DPH6: variants seen among roughly 807,000 people sequenced by gnomAD.
DPH6 encodes diphthine--ammonia ligase.
In DPH6, 33 loss-of-function variants were observed where a neutral mutation model predicts 38.2. That is an observed-to-expected ratio of 0.86 (90% CI 0.65 to 1.15). DPH6 has a LOEUF of 1.15. Among genes scored for constraint, DPH6 ranks in the 50% most tolerant of loss-of-function variants. DPH6 has a pLI of 0.00. For synonymous variants in DPH6, 108 were observed against 103.0 expected, an observed-to-expected ratio of 1.05 and a Z score of -0.30; for missense variants, 325 against 320.0, an observed-to-expected ratio of 1.02 and a Z score of -0.12.
At chr15:35,385,294 T>C (rs2052935185) in intron 6 of DPH6, among the ~76,000 whole-genome samples, 1 of 152,190 alleles carries the variant, frequency 6.6e-6, no homozygotes, top group Non-Finnish European at 1.5e-5. Context: ...TTATAAATCA[T>C]TCTACTATAA....
At chr15:35,250,283 G>A (rs2140408697) in intron 3 of DPH6, among the ~76,000 whole-genome samples, 1 of 152,202 alleles carries the variant, frequency 6.6e-6, no homozygotes, top group Non-Finnish European at 1.5e-5. Context: ...AGAGCTTCCT[G>A]TGTCTTCAAA....
intron 3 of DPH6, among the ~76,000 whole-genome samples, chr15:35,273,239 C>T (rs999872192): frequency 6.6e-6 from 1 of 152,034 alleles, no homozygotes; most frequent in Non-Finnish European, 1.5e-5. Context: ...GATTTTTGTG[C>T]ACCCATCACC....
chr15:35,501,247 T>C (rs1404005087), intron 3 of DPH6, among the ~76,000 whole-genome samples: 1 of 152,070 alleles, frequency 6.6e-6, no homozygotes, highest in Non-Finnish European at 1.5e-5. Context: ...TTCACATTTA[T>C]AGCACTTTCT....
chr15:35,198,631 G>A, the DPH6 span, among the ~76,000 whole-genome samples: 4 of 152,114 alleles, frequency 2.6e-5, no homozygotes, highest in Non-Finnish European at 1.5e-5. Flanking sequence ...AATTTCAACT[G>A]GTGAACAAAT....
rs114896604 is a variant in DPH6, at chr15:35,439,498, C to T, written c.505+11187G>A. Among the ~76,000 whole-genome samples the T allele has an allele frequency of 4.2e-3, 635 of 152,286 alleles. 10 individuals carry two copies. Among genetic ancestry groups the T allele is most frequent in the African/African-American group, 0.015 (605 of 41,574 alleles). ...ATTTTCTCTTGCAACAGGATGCAAT[C>T]GGAGAAACTGGTTGTTTTATCAAGG... is the stretch of plus-strand genomic sequence containing the variant. On this transcript the variant is annotated intron_variant, in intron 5 of 8. Coordinates refer to ENST00000256538, the MANE Select transcript of DPH6 (RefSeq NM_080650.4).
At chr15:35,533,011 G>A (rs2141540998) in intron 3 of DPH6, among the ~76,000 whole-genome samples, 1 of 152,084 alleles carries the variant, frequency 6.6e-6, no homozygotes, top group Admixed American at 6.5e-5. Flanking sequence ...GGAGGCTGAA[G>A]CAGGAGAATT....
chr15:35,297,468 C>G (rs758925334), intron 3 of DPH6, among the ~76,000 whole-genome samples: 1 of 152,026 alleles, frequency 6.6e-6, no homozygotes, highest in Non-Finnish European at 1.5e-5. Flanking sequence ...GTATTCAGAG[C>G]AGCATTTGTC....
intron 3 of DPH6, among the ~76,000 whole-genome samples, chr15:35,311,932 A>G (rs931138553): frequency 2.0e-5 from 3 of 151,180 alleles, no homozygotes; most frequent in Non-Finnish European, 4.4e-5. Flanking sequence ...TTCCAACGCT[A>G]AATTTTATAA....
At chr15:35,481,523 AAC>A (rs1439874309) in intron 3 of DPH6, among the ~76,000 whole-genome samples, 1 of 152,224 alleles carries the variant, frequency 6.6e-6, no homozygotes, top group African/African-American at 2.4e-5. Flanking sequence ...ATATCTGTAA[AAC>A]AATTTAAAAT....
At chr15:35,400,984 C>G (rs962371814) in intron 6 of DPH6, 1 of 955,080 alleles carries the variant, frequency 1.0e-6, no homozygotes, top group Admixed American at 1.7e-5. Context: ...AGACCAGGTG[C>G]CCACTCAACT....
rs140093500 is a variant in DPH6, at chr15:35,379,105, T to C, written c.662+2717A>G. On this transcript the variant is annotated intron_variant, in intron 7 of 8. Transcript: ENST00000256538. ...CTTCCCACATTTCTTGGCTCATGGC[T>C]CCATGTCACTTGAGTCTACTTCCGT... Among the ~76,000 whole-genome samples, 449 of 152,334 alleles carry C rather than the reference T, an allele frequency of 2.9e-3. 1 individual carries two copies. Among genetic ancestry groups the C allele is most frequent in the African/African-American group, 9.9e-3 (413 of 41,590 alleles).
At chr15:35,442,826 A>C (rs2141060838) in intron 5 of DPH6, among the ~76,000 whole-genome samples, 1 of 152,338 alleles carries the variant, frequency 6.6e-6, no homozygotes, top group African/African-American at 2.4e-5. Flanking sequence ...AAATCTATAA[A>C]GATATGAAGA....
chr15:35,228,210 C>T (rs1207532212), intron 3 of DPH6, among the ~76,000 whole-genome samples: 1 of 152,126 alleles, frequency 6.6e-6, no homozygotes, highest in Admixed American at 6.5e-5. Flanking sequence ...GACCCTGCAC[C>T]TTAAAAGTTA....
Position 35,527,494 on chromosome 15 carries a change from A to T in DPH6, c.312+10780T>A, listed in dbSNP as rs982512390. 3.9e-5 allele frequency among the ~76,000 whole-genome samples: 6 copies of T among 152,172 alleles called. No individual in the cohort carries two copies. In the South Asian group the frequency reaches 1.2e-3, roughly 32 times the overall value. On this transcript the variant is annotated intron_variant, in intron 3 of 8. Coordinates refer to ENST00000256538, the MANE Select transcript of DPH6 (RefSeq NM_080650.4). Reference sequence around the variant, plus strand: ...ATCTTTAAACAAAACAAAACCCACAAGATAGATTTTCTTAAAATCTTAGCT... The same window carrying T: ...ATCTTTAAACAAAACAAAACCCACATGATAGATTTTCTTAAAATCTTAGCT...
chr15:35,429,747 G>C (rs1412521669), intron 5 of DPH6, among the ~76,000 whole-genome samples: 1 of 151,978 alleles, frequency 6.6e-6, no homozygotes, highest in East Asian at 1.9e-4. Context: ...AACTATATAA[G>C]GGAATTAAAT....
rs555798868 is a variant in DPH6 at position 35,316,532 on chromosome 15, G to A, written n.200+56989C>T. On this transcript the variant is annotated intron_variant and non_coding_transcript_variant, in intron 3 of 3. Coordinates refer to the DPH6 transcript ENST00000560386. ...ACTGGAAGCTGAAGAGAGGCTTAGTGATTTAGAAGAAATGCCAGAAAGTAT... is the reference window on the plus strand; with the variant it reads ...ACTGGAAGCTGAAGAGAGGCTTAGTAATTTAGAAGAAATGCCAGAAAGTAT... 5.9e-5 allele frequency among the ~76,000 whole-genome samples: 9 copies of A among 152,254 alleles called. No individual in the cohort carries two copies. In the South Asian group the frequency reaches 1.9e-3, roughly 32 times the overall value.
intron 5 of DPH6, among the ~76,000 whole-genome samples, chr15:35,424,805 A>G (rs935066916): frequency 6.6e-5 from 10 of 151,780 alleles, no homozygotes; most frequent in Admixed American, 1.3e-4. Context: ...ACTGGGAAAG[A>G]ATACTATGAA....
chr15:35,466,117 C>T (rs917530447), intron 3 of DPH6, among the ~76,000 whole-genome samples: 2 of 152,126 alleles, frequency 1.3e-5, no homozygotes, highest in Non-Finnish European at 2.9e-5. Flanking sequence ...GGTAGGACTG[C>T]CTGAGCCTGG....
At chr15:35,519,483 G>A (rs559087640) in intron 3 of DPH6, 6 of 152,044 alleles carry the variant, frequency 3.9e-5, no homozygotes, top group African/African-American at 1.4e-4. Context: ...TCTGATGAAC[G>A]TCTGATAAAA....
Sources: allele counts gnomAD v4.1 joint callset (sites outside exome capture counted in the v4.1 genomes callset), GRCh38; gene constraint gnomAD v4.1.1; transcripts MANE v1.5; gene names NCBI Gene and HGNC (gene_info 2026-07-23, HGNC 2026-07-21).